Variants in ATP11C observed in about 807,000 individuals in gnomAD.
ATP11C encodes ATPase phospholipid transporting 11C (ATP11C blood group).
Under a neutral mutation model 97.4 loss-of-function variants are expected in ATP11C, and 36 were observed. The ratio of observed to expected loss-of-function variants is 0.37; its 90% CI spans 0.28 to 0.49. ATP11C has a LOEUF of 0.49. Ranked by LOEUF, ATP11C falls within the 20% of genes least tolerant of loss-of-function variation. ATP11C has a pLI of 0.98. For missense variants in ATP11C, 730 were observed against 824.6 expected (o/e 0.89, Z 1.40); for synonymous variants, 275 against 290.9 (o/e 0.95, Z 0.56).
chrX:139,866,343 C>CAAAAAAAAAAAAAAAAA (rs57250412), intron 1 of ATP11C, among the ~76,000 whole-genome samples: 13 of 27,546 alleles, frequency 4.7e-4, no homozygotes, highest in Admixed American at 1.2e-3. Context: ...GACTCTGTCT[C>CAAAAAAAAAAAAAAAAA]AAAAAAAAAA....
intron 1 of ATP11C, among the ~76,000 whole-genome samples, chrX:139,833,634 GA>G (rs2147903740): frequency 9.0e-6 from 1 of 110,585 alleles, no homozygotes; most frequent in African/African-American, 3.3e-5. Flanking sequence ...AGGTTACAGT[GA>G]ACTATGATCA....
At chrX:139,924,681 G>C (rs1264619384) in intron 1 of ATP11C, among the ~76,000 whole-genome samples, 1 of 111,264 alleles carries the variant, frequency 9.0e-6, no homozygotes, top group Non-Finnish European at 1.9e-5. Flanking sequence ...CAGGTGGAGG[G>C]TGCCTGTGTG....
chrX:139,860,772 C>A (rs2084176602), intron 1 of ATP11C, among the ~76,000 whole-genome samples: 1 of 112,069 alleles, frequency 8.9e-6, no homozygotes, highest in African/African-American at 3.3e-5. Context: ...GAGCTGAGAT[C>A]ACACCACTGC....
At chrX:139,904,699 G>A (rs1253299993) in intron 1 of ATP11C, among the ~76,000 whole-genome samples, 1 of 111,228 alleles carries the variant, frequency 9.0e-6, no homozygotes, top group East Asian at 2.8e-4. Context: ...CCTGGGTCAG[G>A]GAAGGCTTCT....
chrX:139,869,192 A>G (rs1325948900), intron 1 of ATP11C, among the ~76,000 whole-genome samples: 1 of 112,367 alleles, frequency 8.9e-6, no homozygotes, highest in Non-Finnish European at 1.9e-5. Flanking sequence ...AGCAGTATTC[A>G]CAACAGCCAA....
upstream of ATP11C, among the ~76,000 whole-genome samples, chrX:139,933,800 C>A (rs936664381): frequency 1.8e-5 from 2 of 112,312 alleles, no homozygotes; most frequent in African/African-American, 6.5e-5. Context: ...TTTCAACAAA[C>A]CTTTGCTGGG....
intron 2 of ATP11C, among the ~76,000 whole-genome samples, chrX:139,821,096 C>T (rs2083400426): frequency 9.0e-6 from 1 of 111,428 alleles, no homozygotes; most frequent in Admixed American, 9.6e-5. Flanking sequence ...TTTAAAAAGG[C>T]TTATGGGCTC....
intron 1 of ATP11C, among the ~76,000 whole-genome samples, chrX:139,929,481 A>T (rs746917855): frequency 8.9e-6 from 1 of 112,144 alleles, no homozygotes; most frequent in South Asian, 3.7e-4. Context: ...GAGCTATAGA[A>T]GATGATGCTT....
At chrX:139,792,026 AG>A (rs2082700754) in intron 12 of ATP11C, among the ~76,000 whole-genome samples, 1 of 110,647 alleles carries the variant, frequency 9.0e-6, no homozygotes, top group Non-Finnish European at 1.9e-5. Context: ...GCCCCTAGAT[AG>A]CTTCAGGATG....
intron 22 of ATP11C, 142 bp downstream of exon 22, chrX:139,761,819 C>A: frequency 7.8e-6 from 3 of 386,495 alleles, no homozygotes; most frequent in African/African-American, 5.2e-5. Flanking sequence ...TCCAATAGAC[C>A]ACCTCTGCTT....
chrX:139,896,553 ACAC>A (rs2084809142), intron 1 of ATP11C, among the ~76,000 whole-genome samples: 3 of 68,570 alleles, frequency 4.4e-5, no homozygotes, highest in African/African-American at 3.0e-4. Flanking sequence ...TTATACACAC[ACAC>A]ACACACACAC....
chrX:139,816,775 G>A, intron 4 of ATP11C, 88 bp downstream of exon 4: 1 of 557,411 alleles, frequency 1.8e-6, no homozygotes, highest in Non-Finnish European at 3.0e-6. Context: ...ACTACCCACT[G>A]TATATAAATA....
chrX:139,917,482 G>A (rs895840729), intron 1 of ATP11C, among the ~76,000 whole-genome samples: 13 of 111,454 alleles, frequency 1.2e-4, no homozygotes, highest in Non-Finnish European at 3.8e-5. Context: ...TCCTACAACT[G>A]AGCAACAACA....
chrX:139,935,539 C>T (rs940390983), upstream of ATP11C, among the ~76,000 whole-genome samples: 1 of 111,191 alleles, frequency 9.0e-6, no homozygotes, highest in African/African-American at 3.3e-5. Flanking sequence ...CCACTGCACT[C>T]CAGCCTGGGT....
At chrX:139,926,346 G>A (rs912400294) in intron 1 of ATP11C, among the ~76,000 whole-genome samples, 1 of 111,257 alleles carries the variant, frequency 9.0e-6, no homozygotes, top group Non-Finnish European at 1.9e-5. Flanking sequence ...CACCCTCTTT[G>A]AGAGAACTGA....
intron 23 of ATP11C, among the ~76,000 whole-genome samples, chrX:139,752,614 T>C (rs1274579848): frequency 8.9e-6 from 1 of 111,961 alleles, no homozygotes; most frequent in Non-Finnish European, 1.9e-5. Flanking sequence ...CCTTTCAAAA[T>C]GAAAACAATA....
chrX:139,868,722 G>A (rs1276735598), intron 1 of ATP11C, among the ~76,000 whole-genome samples: 36 of 101,152 alleles, frequency 3.6e-4, no homozygotes, highest in African/African-American at 1.2e-3. Context: ...GCCAGACTCC[G>A]TCTCAAAAAA....
chrX:139,812,663 G>A (rs2083201382), intron 5 of ATP11C, among the ~76,000 whole-genome samples: 1 of 108,592 alleles, frequency 9.2e-6, no homozygotes, highest in Non-Finnish European at 1.9e-5. Context: ...TCCCACCTCA[G>A]CCTCCCAAGT....
At chrX:139,866,496 T>C (rs2084290668) in intron 1 of ATP11C, among the ~76,000 whole-genome samples, 1 of 109,118 alleles carries the variant, frequency 9.2e-6, no homozygotes, top group South Asian at 4.1e-4. Context: ...GGTGGGCCGA[T>C]CGCTTGAGTT....
Sources: allele counts gnomAD v4.1 joint callset (sites outside exome capture counted in the v4.1 genomes callset), GRCh38; gene constraint gnomAD v4.1.1; transcripts MANE v1.5; gene names NCBI Gene and HGNC (gene_info 2026-07-23, HGNC 2026-07-21).